Variants in COPG1 observed in about 807,000 individuals in gnomAD.
COPG1 encodes coatomer subunit gamma-1.
COPG1 carries 29 observed loss-of-function variants against 102.8 expected under a neutral mutation model. The ratio of observed to expected loss-of-function variants is 0.28; its 90% CI spans 0.21 to 0.38. The LOEUF (loss-of-function observed/expected upper bound fraction) is 0.38, where lower values mean the gene tolerates loss of function less well. Among genes scored for constraint, COPG1 ranks in the 10% least tolerant of loss-of-function variants. The probability of loss-of-function intolerance (pLI) is 1.00; values close to 1 mark genes in which losing one functional copy is unlikely to be tolerated. For synonymous variants in COPG1, 406 were observed against 421.6 expected, an observed-to-expected ratio of 0.96 and a Z score of 0.45; for missense variants, 875 against 1,132.7, an observed-to-expected ratio of 0.77 and a Z score of 3.27.
chr3:129,260,808 G>A lies in COPG1; in HGVS notation c.1128+1G>A. 1 of 1,611,872 alleles carries A rather than the reference G, an allele frequency of 6.2e-7. No homozygotes were observed. Among genetic ancestry groups the A allele is most frequent in the Non-Finnish European group, 8.5e-7 (1 of 1,179,870 alleles). Reference sequence around the variant, plus strand: ...GTCAGAAATCTCGGATGAATTCAAGGTACCTGCTACCCCCAGGACACCCAC... The same window carrying A: ...GTCAGAAATCTCGGATGAATTCAAGATACCTGCTACCCCCAGGACACCCAC... On this transcript the variant is annotated splice_donor_variant, in intron 12 of 23. Transcript: ENST00000314797. LOFTEE classifies it high-confidence loss of function.
In COPG1 at chr3:129,265,708, G is replaced by A. The variant is rs1162791147; in HGVS notation, c.1384G>A (p.Glu462Lys). The A allele has an allele frequency of 6.2e-7, 1 of 1,614,064 alleles. No individual in the cohort carries two copies. Among genetic ancestry groups the A allele is most frequent in the Non-Finnish European group, 8.5e-7 (1 of 1,180,036 alleles). ...CCGTATTCTACATCTCCTGGGCCAG[G>A]AGGGGCCCAAGACCACCAATCCCTC... ...ATRILHLLGQ[E>K]GPKTTNPSKY... The change falls in exon 14 of 24, where the codon GAG (glutamate) becomes AAG (lysine). Residue 462 changes from glutamate (E) to lysine (K), a missense_variant. By Grantham distance (56) the Glu-to-Lys change is moderately conservative. Coordinates refer to ENST00000314797, the MANE Select transcript of COPG1 (RefSeq NM_016128.4).
intron 6 of COPG1, 46 bp from the exon 7 acceptor site, chr3:129,254,939 C>A: frequency 6.6e-7 from 1 of 1,517,502 alleles, no homozygotes; most frequent in Non-Finnish European, 9.2e-7. Context: ...TGAGAGCTGC[C>A]AAGGACTGAC....
chr3:129,267,029 G>A lies in COPG1; in HGVS notation c.1474G>A (p.Val492Met). The A allele has an allele frequency of 1.2e-6, 2 of 1,613,670 alleles. No homozygotes were observed. The highest frequency in any genetic ancestry group is 1.1e-5 in the South Asian group (1 of 91,060). ...LEHEEVRAGAVSALAKFGAQN... is the reference protein window; with the variant it reads ...LEHEEVRAGAMSALAKFGAQN... The stretch of plus-strand genomic sequence containing the variant: ...CATTCGCTTCCTAAACACAGGTGCT[G>A]TGAGTGCTCTGGCGAAGTTTGGAGC... Residue 492 changes from valine to methionine, a missense_variant, in exon 15 of 24, where the codon GTG becomes ATG. Coordinates refer to ENST00000314797, the MANE Select transcript of COPG1 (RefSeq NM_016128.4).
intron 12 of COPG1, among the ~76,000 whole-genome samples, chr3:129,263,008 C>T (rs1243996875): frequency 7.2e-6 from 1 of 139,684 alleles, no homozygotes; most frequent in Non-Finnish European, 1.5e-5. Context: ...GAGCGAGACT[C>T]CGTCTCAAAA....
In COPG1 at chr3:129,256,162, G is replaced by C. The variant is rs758597156; in HGVS notation, c.579+8G>C. 1 of 1,612,188 alleles carries C rather than the reference G, an allele frequency of 6.2e-7. No individual in the cohort carries two copies. Among genetic ancestry groups the C allele is most frequent in the Non-Finnish European group, 8.5e-7 (1 of 1,178,530 alleles). ...GATAACATCATGGTCCAGGTGAGAT[G>C]TGAGCAAGGGAGTGATATTTAAAAC... On this transcript the variant is annotated splice_region_variant and intron_variant, in intron 8 of 23. Coordinates refer to ENST00000314797, the MANE Select transcript of COPG1 (RefSeq NM_016128.4).
chr3:129,252,428 T>G, intron 3 of COPG1, 67 bp downstream of exon 3: 1 of 1,228,706 alleles, frequency 8.1e-7, no homozygotes, highest in Non-Finnish European at 1.2e-6. Flanking sequence ...GGACAAATCA[T>G]GATCACTCTT....
intron 20 of COPG1, 113 bp from the exon 21 acceptor site, chr3:129,272,694 A>G: frequency 1.5e-6 from 1 of 658,430 alleles, no homozygotes; most frequent in South Asian, 1.9e-5. Context: ...TACTAATAAC[A>G]TAGCAGGGGC....
Position 129,252,905 on chromosome 3 carries a change from C to T in COPG1, c.273C>T (p.Thr91=). ...CACTCCGTCGGATGTGCTACTTGACCATCAAGGAGATGTCTTGCATTGCAG... is the reference window on the plus strand; with the variant it reads ...CACTCCGTCGGATGTGCTACTTGACTATCAAGGAGATGTCTTGCATTGCAG... The part of the protein sequence containing the change: ...DPTLRRMCYL[T]IKEMSCIAED... The change falls in exon 5 of 24, where the codon ACC becomes ACT. Residue 91 remains threonine, a synonymous_variant. Transcript: ENST00000314797. The T allele has an allele frequency of 6.2e-7, 1 of 1,614,174 alleles. No individual in the cohort carries two copies. Among genetic ancestry groups the T allele is most frequent in the Non-Finnish European group, 8.5e-7 (1 of 1,180,024 alleles).
intron 2 of COPG1, 71 bp downstream of exon 2, chr3:129,250,805 C>A (rs768366396): frequency 3.0e-6 from 4 of 1,330,318 alleles, no homozygotes; most frequent in Non-Finnish European, 4.3e-6. Flanking sequence ...AATACCAACA[C>A]ATTCAAAGTG....
At position 129,268,595 on chromosome 3, in the gene COPG1, G is replaced by A. The variant is rs1441233859; in HGVS notation, c.1749G>A (p.Thr583=). Residue 583 remains threonine, a synonymous_variant, in exon 17 of 24, where the codon ACG becomes ACA. Transcript: ENST00000314797. The part of the protein sequence containing the change: ...PFDLKSVPLA[T]APMAEQRTES... Reference sequence around the variant, plus strand: ...ACCTCAAGTCTGTGCCCCTGGCCACGGCGCCCATGGCAGAGCAGAGAACAG... The same window carrying A: ...ACCTCAAGTCTGTGCCCCTGGCCACAGCGCCCATGGCAGAGCAGAGAACAG... 6 of 1,614,182 alleles carry A rather than the reference G, an allele frequency of 3.7e-6. No homozygotes were observed. Among genetic ancestry groups the A allele is most frequent in the East Asian group, 2.2e-5 (1 of 44,880 alleles).
intron 13 of COPG1, among the ~76,000 whole-genome samples, chr3:129,264,922 A>C (rs1336441379): frequency 1.3e-5 from 2 of 151,488 alleles, no homozygotes. Context: ...CCTGGGTTCA[A>C]GTGATTCTCC....
rs1471503722 is a variant in COPG1, at chr3:129,250,749, C to T, written c.90+15C>T. On this transcript the variant is annotated intron_variant, in intron 2 of 23. Coordinates refer to ENST00000314797, the MANE Select transcript of COPG1 (RefSeq NM_016128.4). ...TACTCCAGGAGGCAAGTGACATTTG[C>T]TCCCCTCTAGCTTCCATCATAAATA... 3 of 1,609,902 alleles carry T rather than the reference C, an allele frequency of 1.9e-6. No individual in the cohort carries two copies. Among genetic ancestry groups the T allele is most frequent in the South Asian group, 2.2e-5 (2 of 91,002 alleles).
intron 2 of COPG1, 91 bp downstream of exon 2, chr3:129,250,825 A>C (rs763813242): frequency 8.3e-7 from 1 of 1,207,490 alleles, no homozygotes; most frequent in Non-Finnish European, 1.2e-6. Flanking sequence ...GTTGTTTTAA[A>C]GAGCAACACG....
At chr3:129,252,811 A>G (rs898439255) in intron 4 of COPG1, 65 bp from the exon 5 acceptor site, 3 of 1,565,240 alleles carry the variant, frequency 1.9e-6, no homozygotes, top group East Asian at 2.2e-5. Context: ...GACAGGAGGT[A>G]TCTTCTCCCA....
At chr3:129,252,745 G>C in intron 4 of COPG1, 51 bp downstream of exon 4, 1 of 1,577,070 alleles carries the variant, frequency 6.3e-7, no homozygotes, top group Non-Finnish European at 8.7e-7. Context: ...GTAACAAGGT[G>C]GTGGGAGGGC....
chr3:129,251,937 G>A (rs919464013), intron 2 of COPG1, among the ~76,000 whole-genome samples: 3 of 152,054 alleles, frequency 2.0e-5, no homozygotes, highest in Admixed American at 2.0e-4. Flanking sequence ...CACCCGCCTC[G>A]GCCTCCCAAA....
At chr3:129,260,132 C>T (rs1939894706) in intron 10 of COPG1, 11 of 599,046 alleles carry the variant, frequency 1.8e-5, no homozygotes, top group Non-Finnish European at 3.0e-5. Context: ...TCACTGGAAC[C>T]CCTGGGTGCT....
chr3:129,263,543 A>G (rs1347968197), intron 12 of COPG1, among the ~76,000 whole-genome samples: 3 of 152,204 alleles, frequency 2.0e-5, no homozygotes, highest in Non-Finnish European at 4.4e-5. Context: ...AGGCTTAACC[A>G]AAAAGGAGCC....
At chr3:129,261,385 G>A (rs941848608) in intron 12 of COPG1, among the ~76,000 whole-genome samples, 1 of 152,146 alleles carries the variant, frequency 6.6e-6, no homozygotes, top group Admixed American at 6.6e-5. Context: ...GGAGAGAGAA[G>A]GCCAGTGGGT....
Sources: allele counts gnomAD v4.1 joint callset (sites outside exome capture counted in the v4.1 genomes callset), GRCh38; gene constraint gnomAD v4.1.1; transcripts MANE v1.5; gene names NCBI Gene and HGNC (gene_info 2026-07-23, HGNC 2026-07-21).